Variants in STK32B observed in about 807,000 individuals in gnomAD.
STK32B encodes serine/threonine-protein kinase 32B.
STK32B carries 43 observed loss-of-function variants against 52.6 expected under a neutral mutation model. The ratio of observed to expected loss-of-function variants is 0.82; its 90% confidence interval spans 0.64 to 1.05. The LOEUF (loss-of-function observed/expected upper bound fraction) is 1.05. STK32B is among the 50% of genes least tolerant of loss of function. The probability of loss-of-function intolerance (pLI) is 0.00; values close to 1 mark genes in which losing one functional copy is unlikely to be tolerated. For missense variants in STK32B, 621 were observed against 534.6 expected (o/e 1.16, Z -1.59); for synonymous variants, 238 against 204.3 (o/e 1.17, Z -1.41).
chr4:5,429,677 T>C (rs1713401058), intron 6 of STK32B, among the ~76,000 whole-genome samples: 1 of 152,194 alleles, frequency 6.6e-6, no homozygotes, highest in Non-Finnish European at 1.5e-5. Flanking sequence ...TTTCTTTGTG[T>C]AGCTTCAATT....
chr4:5,133,918 G>A (rs958732923), intron 1 of STK32B, among the ~76,000 whole-genome samples: 8 of 152,136 alleles, frequency 5.3e-5, no homozygotes, highest in African/African-American at 1.2e-4. Flanking sequence ...GTTAACTTAC[G>A]TCCTCAGGTT....
intron 3 of STK32B, among the ~76,000 whole-genome samples, chr4:5,172,454 A>T (rs1446213937): frequency 6.6e-6 from 1 of 151,880 alleles, no homozygotes; most frequent in Non-Finnish European, 1.5e-5. Context: ...TTTGTCATAG[A>T]TAGCTCTTAT....
chr4:5,078,261 T>C (rs1577053373), intron 1 of STK32B, among the ~76,000 whole-genome samples: 2 of 152,302 alleles, frequency 1.3e-5, no homozygotes, highest in Middle Eastern at 6.8e-3. Context: ...CAAAATGTGC[T>C]GGACTTCCAT....
rs1560186010 is a variant in STK32B at position 5,159,623 on chromosome 4, ATATATGAATATATATATGAATG to A, written c.109-8632_109-8611del. Among the ~76,000 whole-genome samples the A allele has an allele frequency of 5.3e-3, 564 of 105,844 alleles. 47 individuals carry two copies. The highest frequency in any genetic ancestry group is 0.022 in the African/African-American group (499 of 22,648). The allele number at this position is 105,844 out of a possible 152,430, so 69.4% of individuals were successfully genotyped here. On this transcript the variant is annotated intron_variant, in intron 2 of 11. Transcript: ENST00000282908. ...AATATATATATGAATATATATGAAT[ATATATGAATATATATATGAATG>A]TATATGAATATATATATGAATGTAT...
Position 5,398,067 on chromosome 4 carries a change from C to A in STK32B, c.435-140C>A, listed in dbSNP as rs1158762764. 2 of 766,938 alleles carry A rather than the reference C, an allele frequency of 2.6e-6. No homozygotes were observed. The highest frequency in any genetic ancestry group is 5.1e-5 in the East Asian group (2 of 39,340). 47.5% of individuals were successfully genotyped at this position (766,938 alleles called of 1,614,324 possible). On this transcript the variant is annotated intron_variant, in intron 4 of 11. Transcript: ENST00000282908. The surrounding 1 kb of genome is among the most constrained non-coding windows in gnomAD (Gnocchi z 4.9). ...TCCCATTATCTTACCAATTATTCTCCCACTCCATGTCTGAGGCTTCAGGTC... is the reference window on the plus strand; with the variant it reads ...TCCCATTATCTTACCAATTATTCTCACACTCCATGTCTGAGGCTTCAGGTC...
intron 2 of STK32B, among the ~76,000 whole-genome samples, chr4:5,152,176 G>A (rs537298016): frequency 6.6e-6 from 1 of 152,330 alleles, no homozygotes; most frequent in East Asian, 1.9e-4. Context: ...ATCTGTAGAA[G>A]AAAAGAATGA....
chr4:5,299,854 C>G (rs564279745), intron 3 of STK32B, among the ~76,000 whole-genome samples: 31 of 152,220 alleles, frequency 2.0e-4, no homozygotes, highest in African/African-American at 7.2e-4. Flanking sequence ...CCAAATTCTA[C>G]CAGATGTATG....
intron 5 of STK32B, among the ~76,000 whole-genome samples, chr4:5,403,224 T>C (rs1055360652): frequency 6.6e-6 from 1 of 151,940 alleles, no homozygotes; most frequent in Non-Finnish European, 1.5e-5. Context: ...CCCCAACACC[T>C]CCTTTATCCG....
chr4:5,147,205 T>C (rs1382701324), intron 2 of STK32B, among the ~76,000 whole-genome samples: 1 of 152,088 alleles, frequency 6.6e-6, no homozygotes, highest in Non-Finnish European at 1.5e-5. Flanking sequence ...AAGACACTAT[T>C]GTAATGAAAT....
intron 11 of STK32B, among the ~76,000 whole-genome samples, chr4:5,488,587 G>A (rs1021276272): frequency 6.6e-6 from 1 of 152,058 alleles, no homozygotes; most frequent in African/African-American, 2.4e-5. Context: ...AAGCCTTTCT[G>A]TGACTCACAT....
intron 4 of STK32B, among the ~76,000 whole-genome samples, chr4:5,382,890 A>G (rs1736019663): frequency 6.6e-6 from 1 of 152,144 alleles, no homozygotes; most frequent in Admixed American, 6.5e-5. Context: ...ACCTGGGGCT[A>G]TTGCTTCATA....
At chr4:5,492,011 G>A (rs953326389) in intron 11 of STK32B, among the ~76,000 whole-genome samples, 123 of 152,010 alleles carry the variant, frequency 8.1e-4, no homozygotes, top group Non-Finnish European at 1.2e-3. Context: ...GTCAGGTAGC[G>A]TGATGCCTCC....
intron 3 of STK32B, among the ~76,000 whole-genome samples, chr4:5,327,561 ATT>A (rs1009081826): frequency 1.3e-5 from 2 of 151,280 alleles, no homozygotes; most frequent in Non-Finnish European, 2.9e-5. Flanking sequence ...TTTGAAAGGA[ATT>A]TTTTTTTGAG....
At chr4:5,321,754 G>A (rs973731788) in intron 3 of STK32B, among the ~76,000 whole-genome samples, 33 of 152,094 alleles carry the variant, frequency 2.2e-4, no homozygotes, top group African/African-American at 7.5e-4. Context: ...CAGTGGGACG[G>A]GGGCACCGTG....
intron 11 of STK32B, among the ~76,000 whole-genome samples, chr4:5,496,440 T>G (rs1034683441): frequency 2.0e-4 from 31 of 152,286 alleles, no homozygotes; most frequent in Admixed American, 1.0e-3. Context: ...AGCGCAGTAT[T>G]GGGGTGGGAG....
At chr4:5,420,449 A>G (rs764833513) in intron 6 of STK32B, among the ~76,000 whole-genome samples, 1 of 152,092 alleles carries the variant, frequency 6.6e-6, no homozygotes, top group Non-Finnish European at 1.5e-5. Flanking sequence ...AACTGATGGG[A>G]TGGAGAATGG....
At chr4:5,134,454 GA>G (rs768277377) in intron 1 of STK32B, among the ~76,000 whole-genome samples, 60 of 152,224 alleles carry the variant, frequency 3.9e-4, no homozygotes, top group Admixed American at 1.2e-3. Flanking sequence ...GATGCAGAAA[GA>G]AGGCCCTCAT....
chr4:5,282,638 A>G (rs1728284318), intron 3 of STK32B, among the ~76,000 whole-genome samples: 1 of 152,124 alleles, frequency 6.6e-6, no homozygotes, highest in African/African-American at 2.4e-5. Context: ...GTGAGGTAGC[A>G]TTTGGCTACT....
chr4:5,206,930 G>T (rs1266983406), intron 3 of STK32B, among the ~76,000 whole-genome samples: 1 of 152,146 alleles, frequency 6.6e-6, no homozygotes, highest in African/African-American at 2.4e-5. Context: ...TGCCATTCCA[G>T]ACTCATCCTG....
Sources: gnomAD v4.1 joint callset for allele counts (sites outside exome capture counted in the v4.1 genomes callset) on GRCh38, gnomAD v4.1.1 for gene constraint, Gnocchi (gnomAD v3.1) non-coding constraint, MANE v1.5 for transcripts, NCBI Gene and HGNC (gene_info 2026-07-23, HGNC 2026-07-21) for gene names.